GRAMD4: variants seen among roughly 807,000 people sequenced by gnomAD.
GRAMD4 encodes GRAM domain-containing protein 4.
GRAMD4 carries 25 observed loss-of-function variants against 83.9 expected under a neutral mutation model. That is an observed-to-expected ratio of 0.30 (90% CI 0.22 to 0.42). The LOEUF (loss-of-function observed/expected upper bound fraction) is 0.42. Ranked by LOEUF, GRAMD4 falls within the 10% of genes least tolerant of loss-of-function variation. GRAMD4 has a pLI of 1.00. For missense variants in GRAMD4, 593 were observed against 788.7 expected (o/e 0.75, Z 2.97); for synonymous variants, 336 against 320.9 (o/e 1.05, Z -0.50).
rs1015163183 is a variant in GRAMD4 at position 46,622,670 on chromosome 22, T to C, written c.-50+2105T>C. Among the ~76,000 whole-genome samples, 7 of 152,016 alleles carry C rather than the reference T, an allele frequency of 4.6e-5. No homozygotes were observed. Among genetic ancestry groups the C allele is most frequent in the African/African-American group, 1.7e-4 (7 of 41,378 alleles). ...GGCTCACGCCTGTAATCCCAGCACT[T>C]TGGGAGGCCGAGGCGGGTGGATCAC... is the stretch of plus-strand genomic sequence containing the variant. On this transcript the variant is annotated intron_variant, in intron 1 of 18. Transcript: ENST00000406902. This position sits in a 1 kb window ranked among gnomAD's most constrained non-coding sequence, Gnocchi z 4.0.
intron 1 of GRAMD4, among the ~76,000 whole-genome samples, chr22:46,579,828 G>A (rs2081079972): frequency 6.6e-6 from 1 of 152,172 alleles, no homozygotes. Flanking sequence ...GCCCCATCTC[G>A]GGGAGCTGGG....
At chr22:46,641,827 T>C (rs1316349049) in intron 3 of GRAMD4, among the ~76,000 whole-genome samples, 3 of 152,272 alleles carry the variant, frequency 2.0e-5, no homozygotes, top group African/African-American at 7.2e-5. Flanking sequence ...TCTCTCCATT[T>C]GTTAGCCGAC....
chr22:46,592,708 T>A (rs1249532514), intron 1 of GRAMD4, among the ~76,000 whole-genome samples: 1 of 152,148 alleles, frequency 6.6e-6, no homozygotes, highest in Non-Finnish European at 1.5e-5. Context: ...TGCAAGGGGC[T>A]TTAAAAACCC....
intron 1 of GRAMD4, among the ~76,000 whole-genome samples, chr22:46,585,405 G>T (rs1013155845): frequency 1.3e-5 from 2 of 152,218 alleles, no homozygotes. Context: ...GGTCAGGCTG[G>T]TCTCAAACTC....
At chr22:46,615,277 G>A (rs1257544990) in intron 1 of GRAMD4, among the ~76,000 whole-genome samples, 2 of 6,910 alleles carry the variant, frequency 2.9e-4, no homozygotes, top group Non-Finnish European at 3.1e-4. Flanking sequence ...CTGTGCGTGT[G>A]GGTTCCCCCG....
intron 18 of GRAMD4, 117 bp from the exon 19 acceptor site, chr22:46,677,030 C>G: frequency 8.0e-7 from 1 of 1,242,874 alleles, no homozygotes; most frequent in Non-Finnish European, 1.1e-6. Context: ...GTCTTTTGCA[C>G]CCAGACCCAC....
chr22:46,588,631 G>A (rs978250396), intron 1 of GRAMD4, among the ~76,000 whole-genome samples: 8 of 152,326 alleles, frequency 5.3e-5, no homozygotes, highest in Admixed American at 3.9e-4. Flanking sequence ...TGGCTGGGGG[G>A]CAGGGGTGGC....
intron 3 of GRAMD4, among the ~76,000 whole-genome samples, chr22:46,643,858 T>G (rs1659411648): frequency 6.6e-6 from 1 of 152,204 alleles, no homozygotes; most frequent in African/African-American, 2.4e-5. Context: ...TGTAGAGAAT[T>G]CTTTTTTTAA....
chr22:46,619,866 G>A (rs941635261), upstream of GRAMD4, among the ~76,000 whole-genome samples: 1 of 152,174 alleles, frequency 6.6e-6, no homozygotes, highest in Non-Finnish European at 1.5e-5. Flanking sequence ...TGTCTGTGTC[G>A]CTCAACATCT....
At chr22:46,600,383 G>T (rs774158081) in intron 1 of GRAMD4, among the ~76,000 whole-genome samples, 1 of 152,190 alleles carries the variant, frequency 6.6e-6, no homozygotes, top group Non-Finnish European at 1.5e-5. Flanking sequence ...GGGTGCTCTG[G>T]CTGGGTCGCT....
chr22:46,665,821 G>C (rs2082400258), intron 9 of GRAMD4, 115 bp downstream of exon 9: 1 of 647,878 alleles, frequency 1.5e-6, no homozygotes, highest in Non-Finnish European at 2.8e-6. Context: ...GACGTTTTGG[G>C]GGTGGTCCCC....
At chr22:46,663,226 G>A in intron 6 of GRAMD4, 54 bp downstream of exon 6, 1 of 1,548,072 alleles carries the variant, frequency 6.5e-7, no homozygotes, top group Non-Finnish European at 8.8e-7. Flanking sequence ...CGGTCCCTGG[G>A]CTGAGGCTGC....
intron 3 of GRAMD4, 134 bp from the exon 4 acceptor site, chr22:46,658,053 G>A: frequency 5.6e-6 from 6 of 1,067,086 alleles, no homozygotes; most frequent in Admixed American, 1.7e-5. Context: ...CTGGAGGAAG[G>A]TCAGGTGCTC....
chr22:46,677,259 T>C lies in GRAMD4; in HGVS notation c.*8T>C. On this transcript the variant is annotated 3_prime_UTR_variant, in exon 19 of 19. Coordinates refer to ENST00000406902, the MANE Select transcript of GRAMD4 (RefSeq NM_015124.5). The stretch of plus-strand genomic sequence containing the variant: ...TCTGGCGGGGACAGCTAGTATTGAC[T>C]TGCCCAGGACGTTGCTGGAATTTTC... 1 of 1,598,856 alleles carries C rather than the reference T, an allele frequency of 6.3e-7. No individual in the cohort carries two copies. The highest frequency in any genetic ancestry group is 8.5e-7 in the Non-Finnish European group (1 of 1,176,028).
At chr22:46,670,350 G>A (rs575541701) in intron 13 of GRAMD4, among the ~76,000 whole-genome samples, 2 of 152,374 alleles carry the variant, frequency 1.3e-5, no homozygotes, top group Admixed American at 1.3e-4. Context: ...GCATCACCAG[G>A]AGTGGGCAGA....
At chr22:46,641,919 G>A (rs949034192) in intron 3 of GRAMD4, among the ~76,000 whole-genome samples, 1 of 152,242 alleles carries the variant, frequency 6.6e-6, no homozygotes, top group Non-Finnish European at 1.5e-5. Context: ...AGGGTGCATG[G>A]TTGGATTCCC....
intron 1 of GRAMD4, among the ~76,000 whole-genome samples, chr22:46,588,742 T>G (rs549541772): frequency 1.1e-4 from 16 of 152,232 alleles, no homozygotes; most frequent in African/African-American, 3.6e-4. Context: ...CCGGGGTCCT[T>G]AGGCTTCCCT....
chr22:46,665,086 C>G (rs774727178), intron 8 of GRAMD4, among the ~76,000 whole-genome samples: 1 of 152,256 alleles, frequency 6.6e-6, no homozygotes, highest in Non-Finnish European at 1.5e-5. Context: ...CTCCCACACG[C>G]TCCTGTGCCA....
chr22:46,618,794 G>A (rs999471820), upstream of GRAMD4, among the ~76,000 whole-genome samples: 4 of 135,950 alleles, frequency 2.9e-5, no homozygotes, highest in Non-Finnish European at 6.2e-5. This position sits in a 1 kb window ranked among gnomAD's most constrained non-coding sequence, Gnocchi z 5.8. Flanking sequence ...GCGTGCGGCC[G>A]GCGTGCGCTG....
Sources: allele counts gnomAD v4.1 joint callset (sites outside exome capture counted in the v4.1 genomes callset), GRCh38; gene constraint gnomAD v4.1.1; non-coding constraint Gnocchi (gnomAD v3.1); transcripts MANE v1.5; gene names NCBI Gene and HGNC (gene_info 2026-07-23, HGNC 2026-07-21).